PLEKHB2: variants seen among roughly 807,000 people sequenced by gnomAD.
PLEKHB2 encodes pleckstrin homology domain containing B2.
PLEKHB2 carries 31 observed loss-of-function variants against 36.5 expected under a neutral mutation model. That is an observed-to-expected ratio of 0.85 (90% confidence interval 0.64 to 1.15). The LOEUF is 1.15. PLEKHB2 is among the 50% of genes most tolerant of loss of function. PLEKHB2 has a pLI of 0.00. For missense variants in PLEKHB2, 262 were observed against 295.3 expected (o/e 0.89, Z 0.83); for synonymous variants, 119 against 112.0 (o/e 1.06, Z -0.39).
At chr2:131,126,849 C>A in intron 4 of PLEKHB2, 63 bp downstream of exon 4, 2 of 962,968 alleles carry the variant, frequency 2.1e-6, no homozygotes, top group South Asian at 1.4e-5. Context: ...TTCTGATTAC[C>A]AAAAAATGAA....
chr2:131,137,198 C>T (rs1338340768), intron 6 of PLEKHB2, among the ~76,000 whole-genome samples: 7 of 149,068 alleles, frequency 4.7e-5, no homozygotes, highest in Non-Finnish European at 1.0e-4. Context: ...CTGCCCGCCT[C>T]GGCCTCCCAG....
intron 1 of PLEKHB2, among the ~76,000 whole-genome samples, chr2:131,108,401 G>C (rs998488125): frequency 6.6e-6 from 1 of 152,170 alleles, no homozygotes; most frequent in African/African-American, 2.4e-5. Flanking sequence ...TATGCATTCA[G>C]TTTTGCTCCA....
chr2:131,118,528 G>T (rs1007337467), intron 1 of PLEKHB2, among the ~76,000 whole-genome samples: 1 of 152,058 alleles, frequency 6.6e-6, no homozygotes, highest in Admixed American at 6.6e-5. Flanking sequence ...ACTTGCGCTT[G>T]TGCTAACCTT....
At chr2:131,136,852 G>T (rs557838179) in intron 6 of PLEKHB2, among the ~76,000 whole-genome samples, 1 of 151,730 alleles carries the variant, frequency 6.6e-6, no homozygotes, top group African/African-American at 2.4e-5. Flanking sequence ...TTAAAATTTG[G>T]TAGAAATCTC....
chr2:131,129,324 C>CAAAAAAAAA (rs1168039416), intron 4 of PLEKHB2, among the ~76,000 whole-genome samples: 1 of 49,930 alleles, frequency 2.0e-5, no homozygotes, highest in African/African-American at 6.8e-5. Context: ...GACTCCATCT[C>CAAAAAAAAA]AAAAAAAAAA....
intron 2 of PLEKHB2, 21 bp from the exon 3 acceptor site, chr2:131,125,732 C>A (rs373103987): frequency 3.2e-6 from 5 of 1,576,022 alleles, no homozygotes; most frequent in South Asian, 1.2e-5. Context: ...AAAAAACAAC[C>A]GTACTATTTT....
chr2:131,110,437 ATCAT>A (rs1182147145), intron 1 of PLEKHB2, among the ~76,000 whole-genome samples: 2 of 151,622 alleles, frequency 1.3e-5, no homozygotes, highest in African/African-American at 4.9e-5. Flanking sequence ...CAGTGACATG[ATCAT>A]TCATGGCTTA....
At chr2:131,111,793 A>T (rs1425802234) in intron 1 of PLEKHB2, among the ~76,000 whole-genome samples, 1 of 152,144 alleles carries the variant, frequency 6.6e-6, no homozygotes, top group African/African-American at 2.4e-5. Context: ...GGCCAGCTGT[A>T]AAGTAATATT....
intron 1 of PLEKHB2, among the ~76,000 whole-genome samples, chr2:131,106,671 G>C (rs1694769426): frequency 6.6e-6 from 1 of 152,114 alleles, no homozygotes; most frequent in South Asian, 2.1e-4. Flanking sequence ...GCTGGATATT[G>C]ATAGGACTGG....
At position 131,125,869 on chromosome 2, in the gene PLEKHB2, G is replaced by T; in HGVS notation, c.154G>T (p.Asp52Tyr). The T allele has an allele frequency of 1.2e-6, 2 of 1,613,696 alleles. No homozygotes were observed. The highest frequency in any genetic ancestry group is 1.7e-6 in the Non-Finnish European group (2 of 1,179,854). ...NIEDKVHMPMDCINIRTGQEC... is the reference protein window; with the variant it reads ...NIEDKVHMPMYCINIRTGQEC... ...CGAGGATAAGGTCCACATGCCAATG[G>T]ACTGCATCAACATCCGCACGGGGCA... Residue 52 changes from aspartate (D) to tyrosine (Y), a missense_variant, in exon 3 of 8, where the codon GAC becomes TAC. Asp to Tyr is a radical substitution (Grantham distance 160, BLOSUM62 -3). Coordinates refer to ENST00000693505, the MANE Select transcript of PLEKHB2 (RefSeq NM_001100623.2).
chr2:131,120,936 GAA>G lies in PLEKHB2; in HGVS notation c.-5_-4del. 1.2e-6 allele frequency: 2 copies of G among 1,614,216 alleles called. No homozygotes were observed. The highest frequency in any genetic ancestry group is 1.7e-6 in the Non-Finnish European group (2 of 1,180,000). On this transcript the variant is annotated 5_prime_UTR_variant, in exon 2 of 8. Coordinates refer to ENST00000693505, the MANE Select transcript of PLEKHB2 (RefSeq NM_001100623.2). ...ACCTGCCTGTTTTTGTTCTGTAGGTGAAGAGATGGCGTTTGTGAAGAGTGGCT... is the reference window on the plus strand; with the variant it reads ...ACCTGCCTGTTTTTGTTCTGTAGGTGGAGATGGCGTTTGTGAAGAGTGGCT...
In PLEKHB2 at chr2:131,146,752, G is replaced by T. The variant is rs779395018; in HGVS notation, c.648G>T (p.Gly216=). 5.0e-6 allele frequency: 8 copies of T among 1,611,508 alleles called. No individual in the cohort carries two copies. The highest frequency in any genetic ancestry group is 5.1e-6 in the Non-Finnish European group (6 of 1,178,862). Residue 216 remains glycine (G), a synonymous_variant, in exon 8 of 8, where the codon GGG becomes GGT. Coordinates refer to ENST00000693505, the MANE Select transcript of PLEKHB2 (RefSeq NM_001100623.2). ...LAGAATGMAL[G]SLFWVF is the part of the protein sequence containing the mutation. ...GAGCAGCCACGGGCATGGCCTTAGG[G>T]TCTCTATTTTGGGTCTTCTAGGGGC...
At chr2:131,119,715 C>A (rs1696273973) in intron 1 of PLEKHB2, among the ~76,000 whole-genome samples, 1 of 152,056 alleles carries the variant, frequency 6.6e-6, no homozygotes. Context: ...TGTGCTTTCT[C>A]CTTGCTGGGT....
chr2:131,144,266 A>G (rs1699071090), intron 7 of PLEKHB2: 1 of 364,578 alleles, frequency 2.7e-6, no homozygotes, highest in Non-Finnish European at 4.9e-6. Flanking sequence ...GAGAAAGTAC[A>G]GAGTACTGTA....
chr2:131,122,364 C>CCATT (rs1696610528), intron 2 of PLEKHB2, among the ~76,000 whole-genome samples: 1 of 152,128 alleles, frequency 6.6e-6, no homozygotes, highest in South Asian at 2.1e-4. Flanking sequence ...GTATCACATA[C>CCATT]CATTGATTGT....
intron 6 of PLEKHB2, among the ~76,000 whole-genome samples, chr2:131,135,909 G>T (rs942498726): frequency 1.3e-5 from 2 of 152,050 alleles, no homozygotes; most frequent in Non-Finnish European, 2.9e-5. Flanking sequence ...CGCCCGGCCA[G>T]TGTATTCAGT....
At chr2:131,136,460 T>C (rs1698270426) in intron 6 of PLEKHB2, among the ~76,000 whole-genome samples, 1 of 151,612 alleles carries the variant, frequency 6.6e-6, no homozygotes, top group Admixed American at 6.6e-5. Context: ...TCCTCCTGCC[T>C]GGGCCTCCCA....
chr2:131,105,409 C>T lies in PLEKHB2; in HGVS notation c.-9+11C>T, dbSNP rs536462429. 11 of 152,568 alleles carry T rather than the reference C, an allele frequency of 7.2e-5. No homozygotes were observed. Among genetic ancestry groups the T allele is most frequent in the African/African-American group, 2.4e-4 (10 of 41,574 alleles). The allele number at this position is 152,568 out of a possible 1,614,324, so 9.5% of individuals were successfully genotyped here. ...CACGCTGGTTCGCAGGTGAGTGTCC[C>T]TGTTTAGTCCGGACGACCCTAGCTC... On this transcript the variant is annotated intron_variant, in intron 1 of 7. Coordinates refer to ENST00000693505, the MANE Select transcript of PLEKHB2 (RefSeq NM_001100623.2).
chr2:131,125,952 G>C (rs1400056178), intron 3 of PLEKHB2, 47 bp downstream of exon 3: 4 of 1,569,266 alleles, frequency 2.5e-6, no homozygotes, highest in Non-Finnish European at 3.5e-6. Context: ...CTCTTCCTCT[G>C]TCTTGCTGGG....
Sources: allele counts gnomAD v4.1 joint callset (sites outside exome capture counted in the v4.1 genomes callset), GRCh38; gene constraint gnomAD v4.1.1; transcripts MANE v1.5; gene names NCBI Gene and HGNC (gene_info 2026-07-23, HGNC 2026-07-21).